The following MEGF11 variants were observed in gnomAD, a reference collection of about 807,000 sequenced individuals.
MEGF11 encodes multiple EGF like domains 11.
MEGF11 carries 126 observed loss-of-function variants against 146.6 expected under a neutral mutation model. That is an observed-to-expected ratio of 0.86 (90% confidence interval 0.74 to 1.00). The LOEUF (loss-of-function observed/expected upper bound fraction) is 1.00. Ranked by LOEUF, MEGF11 falls within the 50% of genes least tolerant of loss-of-function variation. The pLI, the probability that MEGF11 is intolerant of heterozygous loss-of-function variation, is 0.00. For synonymous variants in MEGF11, 532 were observed against 583.4 expected, an observed-to-expected ratio of 0.91 and a Z score of 1.27; for missense variants, 1,509 against 1,521.2, an observed-to-expected ratio of 0.99 and a Z score of 0.13.
chr15:66,178,812 T>C (rs1262872952), intron 1 of MEGF11, among the ~76,000 whole-genome samples: 2 of 152,036 alleles, frequency 1.3e-5, no homozygotes, highest in Non-Finnish European at 2.9e-5. Flanking sequence ...GGGTGGGGGA[T>C]AGACACAATA....
chr15:66,161,028 T>A (rs1402324970), intron 1 of MEGF11, among the ~76,000 whole-genome samples: 1 of 152,150 alleles, frequency 6.6e-6, no homozygotes, highest in Admixed American at 6.5e-5. Context: ...AAAGCCACCC[T>A]GGAGGCAGGC....
chr15:66,160,242 C>CTCTCTCTCTCTCTCT (rs2089901924), intron 1 of MEGF11, among the ~76,000 whole-genome samples: 1 of 133,410 alleles, frequency 7.5e-6, no homozygotes, highest in African/African-American at 2.9e-5. Context: ...AAGGAAAAGC[C>CTCTCTCTCTCTCTCT]CTCTCTCTCT....
chr15:66,224,094 G>T (rs1452054037), intron 1 of MEGF11, among the ~76,000 whole-genome samples: 1 of 152,152 alleles, frequency 6.6e-6, no homozygotes, highest in Non-Finnish European at 1.5e-5. Flanking sequence ...TAATGTAGTG[G>T]TTAACTGCAG....
At chr15:66,126,767 T>C (rs1465095761) in intron 2 of MEGF11, among the ~76,000 whole-genome samples, 2 of 152,120 alleles carry the variant, frequency 1.3e-5, no homozygotes, top group African/African-American at 4.8e-5. Flanking sequence ...CAGAATAACG[T>C]GGGGCTCTTC....
intron 5 of MEGF11, among the ~76,000 whole-genome samples, chr15:66,093,338 A>G (rs2086400495): frequency 6.6e-6 from 1 of 152,226 alleles, no homozygotes; most frequent in African/African-American, 2.4e-5. Flanking sequence ...ACTGCAGCAG[A>G]GAGAGGGGAA....
intron 5 of MEGF11, among the ~76,000 whole-genome samples, chr15:65,994,719 C>T (rs1223238279): frequency 1.3e-5 from 2 of 152,188 alleles, no homozygotes; most frequent in African/African-American, 4.8e-5. Flanking sequence ...TGATGCTGCA[C>T]CCCAAAGGCC....
chr15:65,990,709 AAGG>A (rs1447440812), intron 5 of MEGF11, among the ~76,000 whole-genome samples: 64 of 45,806 alleles, frequency 1.4e-3, no homozygotes, highest in African/African-American at 4.9e-3. Context: ...GAAAGAAAGG[AAGG>A]AAGAAAGAAA....
intron 10 of MEGF11, among the ~76,000 whole-genome samples, chr15:65,935,901 T>A (rs2079766990): frequency 6.6e-6 from 1 of 152,246 alleles, no homozygotes; most frequent in African/African-American, 2.4e-5. Context: ...TATAATTGAC[T>A]GGCCAGTCTC....
intron 5 of MEGF11, among the ~76,000 whole-genome samples, chr15:66,076,625 C>T (rs549723218): frequency 1.3e-5 from 2 of 152,082 alleles, no homozygotes; most frequent in African/African-American, 2.4e-5. Flanking sequence ...GGCATGGCTG[C>T]TCCTGAGAGG....
chr15:66,138,245 C>T (rs116113135), intron 1 of MEGF11, among the ~76,000 whole-genome samples: 1 of 152,224 alleles, frequency 6.6e-6, no homozygotes, highest in African/African-American at 2.4e-5. Flanking sequence ...ACCTGCTACC[C>T]CTAGGGACAC....
intron 5 of MEGF11, among the ~76,000 whole-genome samples, chr15:66,030,924 A>G (rs1176965368): frequency 1.3e-5 from 2 of 152,214 alleles, no homozygotes; most frequent in Non-Finnish European, 2.9e-5. Context: ...ATTTCCATTC[A>G]GGGAAAATAA....
intron 5 of MEGF11, among the ~76,000 whole-genome samples, chr15:66,013,235 G>A (rs2082765936): frequency 1.3e-5 from 2 of 152,168 alleles, no homozygotes; most frequent in Non-Finnish European, 2.9e-5. Flanking sequence ...CGTCAGTCAG[G>A]GAAGCATGTC....
At chr15:65,898,621 A>G in intron 25 of MEGF11, 107 bp downstream of exon 25, 3 of 1,526,846 alleles carry the variant, frequency 2.0e-6, no homozygotes, top group Middle Eastern at 2.4e-4. Flanking sequence ...AAAAGCAACA[A>G]AAGAAGGATG....
intron 1 of MEGF11, among the ~76,000 whole-genome samples, chr15:66,220,254 C>G (rs200729315): frequency 2.0e-5 from 3 of 151,986 alleles, no homozygotes; most frequent in African/African-American, 7.2e-5. Flanking sequence ...CCCCACCCCC[C>G]GCCATGTGGT....
At chr15:66,186,303 G>C (rs1274557115) in intron 1 of MEGF11, among the ~76,000 whole-genome samples, 3 of 152,142 alleles carry the variant, frequency 2.0e-5, no homozygotes, top group African/African-American at 7.2e-5. Context: ...AGCAGTTTTT[G>C]GAGCTGGGCA....
intron 23 of MEGF11, among the ~76,000 whole-genome samples, chr15:65,907,371 T>G (rs2078661050): frequency 6.6e-6 from 1 of 152,172 alleles, no homozygotes; most frequent in Non-Finnish European, 1.5e-5. Context: ...CTCTGTTCAC[T>G]ACAACCTCCA....
intron 24 of MEGF11, among the ~76,000 whole-genome samples, chr15:65,899,352 C>T (rs1394148131): frequency 3.9e-5 from 6 of 152,176 alleles, no homozygotes. Flanking sequence ...TGCCTTTGGA[C>T]TCCTTGGCCT....
chr15:66,085,118 C>A (rs1490938732), intron 5 of MEGF11, among the ~76,000 whole-genome samples: 1 of 152,124 alleles, frequency 6.6e-6, no homozygotes, highest in African/African-American at 2.4e-5. Flanking sequence ...CCTAGGTACA[C>A]AACTCCATTA....
In MEGF11 at chr15:66,149,657, G is replaced by A. The variant is rs190223993; in HGVS notation, c.-8-21246C>T. 2.4e-3 allele frequency among the ~76,000 whole-genome samples: 370 copies of A among 152,312 alleles called. 6 individuals carry two copies. The highest frequency in any genetic ancestry group is 3.4e-4 in the Non-Finnish European group (23 of 68,030). On this transcript the variant is annotated intron_variant, in intron 1 of 25. Coordinates refer to ENST00000395614, the MANE Select transcript of MEGF11 (RefSeq NM_001385028.1). Reference sequence around the variant, plus strand: ...GGTTCAGACAAAATGTACTGAGTGAGAAGCTGACTGTCATGCAGTTACAAA... The same window carrying A: ...GGTTCAGACAAAATGTACTGAGTGAAAAGCTGACTGTCATGCAGTTACAAA...
Sources: allele counts gnomAD v4.1 joint callset (sites outside exome capture counted in the v4.1 genomes callset), GRCh38; gene constraint gnomAD v4.1.1; transcripts MANE v1.5; gene names NCBI Gene and HGNC (gene_info 2026-07-23, HGNC 2026-07-21).